Variants in GALK2 observed in about 807,000 individuals in gnomAD.
The protein encoded by GALK2 is galactokinase 2.
GALK2 carries 36 observed loss-of-function variants against 52.4 expected under a neutral mutation model. The observed-to-expected ratio is 0.69, with a 90% confidence interval of 0.53 to 0.91. The LOEUF (loss-of-function observed/expected upper bound fraction) is 0.91. Among genes scored for constraint, GALK2 ranks in the 40% least tolerant of loss-of-function variants. GALK2 has a pLI of 0.00. For synonymous variants in GALK2, 176 were observed against 199.1 expected (o/e 0.88, Z 0.98); for missense variants, 579 against 559.1 (o/e 1.04, Z -0.36).
intron 3 of GALK2, among the ~76,000 whole-genome samples, chr15:49,362,330 A>C (rs559635152): frequency 1.3e-5 from 2 of 152,258 alleles, no homozygotes; most frequent in African/African-American, 4.8e-5. Context: ...CCACCACGTG[A>C]AGAAGGTTCT....
upstream of GALK2, among the ~76,000 whole-genome samples, chr15:49,166,702 C>T (rs909682478): frequency 6.6e-6 from 1 of 152,108 alleles, no homozygotes; most frequent in African/African-American, 2.4e-5. Flanking sequence ...AAGAGCGAGA[C>T]TTGGTCTCAA....
In GALK2 at chr15:49,239,304, C is replaced by T. The variant is rs1297922926; in HGVS notation, c.441C>T (p.Ser147=). 9.9e-6 allele frequency: 16 copies of T among 1,613,988 alleles called. No individual in the cohort carries two copies. The highest frequency in any genetic ancestry group is 1.2e-5 in the Non-Finnish European group (14 of 1,179,990). Residue 147 remains serine, a synonymous_variant, in exon 5 of 10, where the codon TCC becomes TCT. Coordinates refer to ENST00000560031, the MANE Select transcript of GALK2 (RefSeq NM_002044.4). ...NIPPSSGLSS[S]SALVCCAGLV... is the part of the protein sequence containing the mutation. Reference sequence around the variant, plus strand: ...CACCAAGTTCTGGCCTCTCCAGCTCCAGTGCTTTGGTCTGTTGTGCTGGCT... The same window carrying T: ...CACCAAGTTCTGGCCTCTCCAGCTCTAGTGCTTTGGTCTGTTGTGCTGGCT...
At chr15:49,170,771 CT>C (rs2085023481) in intron 1 of GALK2, among the ~76,000 whole-genome samples, 1 of 151,998 alleles carries the variant, frequency 6.6e-6, no homozygotes, top group African/African-American at 2.4e-5. Flanking sequence ...ACACAAAAAC[CT>C]TCTTGGTGTC....
intron 7 of GALK2, among the ~76,000 whole-genome samples, chr15:49,284,499 G>A (rs1407676323): frequency 6.6e-6 from 1 of 152,152 alleles, no homozygotes; most frequent in African/African-American, 2.4e-5. Context: ...AAGTTGGAGA[G>A]AGGACTGAGG....
chr15:49,340,938 G>A (rs1392935787), intron 3 of GALK2, among the ~76,000 whole-genome samples: 1 of 152,144 alleles, frequency 6.6e-6, no homozygotes, highest in Non-Finnish European at 1.5e-5. Flanking sequence ...GTTAATTTTT[G>A]TATATGATGA....
intron 5 of GALK2, among the ~76,000 whole-genome samples, chr15:49,260,337 T>C (rs1231104579): frequency 6.6e-6 from 1 of 151,784 alleles, no homozygotes; most frequent in African/African-American, 2.4e-5. Flanking sequence ...GCCAATTTCA[T>C]GTGTTTTTTG....
Position 49,164,877 on chromosome 15 carries a change from G to A in GALK2, c.20+8861G>A, listed in dbSNP as rs189235929. Among the ~76,000 whole-genome samples the A allele has an allele frequency of 6.6e-4, 98 of 148,906 alleles. 1 individual carries two copies. The highest frequency in any genetic ancestry group is 2.1e-3 in the African/African-American group (87 of 40,628). ...TTATCTGTAGTTTGGTCAGGCTAAT[G>A]TACACTGTAAGCTTGAAATGCAAAT... On this transcript the variant is annotated intron_variant, in intron 1 of 9. Transcript: ENST00000327171.
chr15:49,244,793 G>A (rs950061756), intron 5 of GALK2, among the ~76,000 whole-genome samples: 19 of 152,044 alleles, frequency 1.2e-4, no homozygotes, highest in African/African-American at 4.3e-4. Flanking sequence ...TTAGAAAGCA[G>A]TGCAGATTAA....
chr15:49,217,654 AC>A (rs2089490549), intron 3 of GALK2, among the ~76,000 whole-genome samples: 1 of 152,180 alleles, frequency 6.6e-6, no homozygotes, highest in African/African-American at 2.4e-5. Context: ...TTACTATGGC[AC>A]CTTCTAAGTA....
chr15:49,319,060 C>A (rs1255508553), intron 8 of GALK2: 3 of 405,748 alleles, frequency 7.4e-6, no homozygotes, highest in Non-Finnish European at 1.4e-5. Flanking sequence ...AAGCAATTCT[C>A]CCACTTCAGT....
chr15:49,195,238 A>AT (rs1426297992), intron 1 of GALK2: 7 of 348,644 alleles, frequency 2.0e-5, no homozygotes, highest in South Asian at 1.5e-4. Context: ...TGCTGGGCTA[A>AT]TTTTTTGTAT....
intron 5 of GALK2, among the ~76,000 whole-genome samples, chr15:49,250,378 T>A (rs1401420403): frequency 2.0e-5 from 3 of 152,180 alleles, no homozygotes; most frequent in Non-Finnish European, 2.9e-5. Flanking sequence ...ATGTTAGAAT[T>A]TTCATGAGAG....
At chr15:49,366,305 C>T in intron 3 of GALK2, 1 of 787,774 alleles carries the variant, frequency 1.3e-6, no homozygotes. Context: ...AAATTCAGAT[C>T]TGTTACCTGA....
chr15:49,288,879 A>G lies in GALK2; in HGVS notation c.757-3448A>G, dbSNP rs190945494. Among the ~76,000 whole-genome samples the G allele has an allele frequency of 2.6e-5, 4 of 152,246 alleles. No homozygotes were observed. The East Asian group carries it at 7.7e-4, about 29-fold the overall frequency. ...AGTAGGTACTAGAGTATCAGTGAGG[A>G]TGGGATAAAAAGGGAGAGATGTGAG... On this transcript the variant is annotated intron_variant, in intron 7 of 9. Transcript: ENST00000560031.
At chr15:49,349,432 AAT>A (rs2041949664) in intron 3 of GALK2, among the ~76,000 whole-genome samples, 1 of 152,214 alleles carries the variant, frequency 6.6e-6, no homozygotes, top group Admixed American at 6.5e-5. Context: ...AATAAAATAA[AAT>A]GTCTTTCTCT....
At chr15:49,156,423 C>A in intron 1 of GALK2, 1 of 446,950 alleles carries the variant, frequency 2.2e-6, no homozygotes, top group South Asian at 1.9e-5. Flanking sequence ...CCCAGGCACC[C>A]CTCTACCAGC....
intron 5 of GALK2, among the ~76,000 whole-genome samples, chr15:49,251,534 C>T (rs1017352045): frequency 6.7e-6 from 1 of 149,728 alleles, no homozygotes; most frequent in Admixed American, 6.6e-5. Flanking sequence ...TGAGATCTAC[C>T]CTCTTAACAA....
intron 3 of GALK2, among the ~76,000 whole-genome samples, chr15:49,339,690 T>C (rs1448406880): frequency 4.1e-4 from 63 of 152,182 alleles, no homozygotes; most frequent in Non-Finnish European, 1.2e-4. Flanking sequence ...AGCTGCCAAG[T>C]ATGGACGTTT....
At chr15:49,289,069 AT>A in intron 7 of GALK2, among the ~76,000 whole-genome samples, 1 of 152,186 alleles carries the variant, frequency 6.6e-6, no homozygotes, top group South Asian at 2.1e-4. Context: ...CATGTCCTGT[AT>A]TTTTCTATTA....
Sources: gnomAD v4.1 joint callset for allele counts (sites outside exome capture counted in the v4.1 genomes callset) on GRCh38, gnomAD v4.1.1 for gene constraint, MANE v1.5 for transcripts, NCBI Gene and HGNC (gene_info 2026-07-23, HGNC 2026-07-21) for gene names.